Variants in AGBL4 observed in about 807,000 individuals in gnomAD.
AGBL4 encodes AGBL carboxypeptidase 4, also known as cytosolic carboxypeptidase 6.
In AGBL4, 58 loss-of-function variants were observed where a neutral mutation model predicts 66.4. That is an observed-to-expected ratio of 0.87 (90% CI 0.71 to 1.09). The LOEUF is 1.09. Ranked by LOEUF, AGBL4 falls within the 50% of genes least tolerant of loss-of-function variation. The pLI, the probability that AGBL4 is intolerant of heterozygous loss-of-function variation, is 0.00. For missense variants in AGBL4, 579 were observed against 631.0 expected (o/e 0.92, Z 0.88); for synonymous variants, 234 against 222.9 (o/e 1.05, Z -0.44).
intron 4 of AGBL4, among the ~76,000 whole-genome samples, chr1:49,235,940 A>G (rs1327968312): frequency 6.6e-6 from 1 of 151,918 alleles, no homozygotes; most frequent in Non-Finnish European, 1.5e-5. Flanking sequence ...CCACCACCCT[A>G]CCCTATTTCT....
intron 5 of AGBL4, among the ~76,000 whole-genome samples, chr1:48,960,405 T>C (rs1178666500): frequency 6.6e-6 from 1 of 152,196 alleles, no homozygotes; most frequent in Non-Finnish European, 1.5e-5. Context: ...GGATGTATGA[T>C]TCTGCAGTTC....
chr1:49,923,846 A>G (rs1652502404), intron 1 of AGBL4, among the ~76,000 whole-genome samples: 2 of 152,218 alleles, frequency 1.3e-5, no homozygotes, highest in South Asian at 4.1e-4. Flanking sequence ...GAGGAAAAAA[A>G]GAATGATTCT....
intron 13 of AGBL4, 102 bp from the exon 14 acceptor site, chr1:48,534,395 C>A: frequency 7.1e-7 from 1 of 1,404,652 alleles, no homozygotes; most frequent in Non-Finnish European, 9.5e-7. Flanking sequence ...ACTGTAGCCT[C>A]CCAGGAACAG....
intron 3 of AGBL4, among the ~76,000 whole-genome samples, chr1:49,545,542 T>C (rs757678526): frequency 6.6e-6 from 1 of 152,200 alleles, no homozygotes; most frequent in African/African-American, 2.4e-5. Context: ...AAAATTGTTA[T>C]ACAAAATGAG....
At chr1:49,740,983 A>T (rs191157460) in intron 2 of AGBL4, among the ~76,000 whole-genome samples, 4 of 152,332 alleles carry the variant, frequency 2.6e-5, no homozygotes, top group African/African-American at 4.8e-5. Context: ...CATCACAATT[A>T]AAATAACTAG....
At chr1:48,564,839 T>C (rs928059711) in intron 11 of AGBL4, among the ~76,000 whole-genome samples, 1 of 152,230 alleles carries the variant, frequency 6.6e-6, no homozygotes, top group Non-Finnish European at 1.5e-5. Context: ...GAGTCAGCCA[T>C]GGGCCACCAG....
chr1:49,218,950 A>G (rs1649289808), intron 4 of AGBL4, among the ~76,000 whole-genome samples: 1 of 152,118 alleles, frequency 6.6e-6, no homozygotes, highest in Non-Finnish European at 1.5e-5. Context: ...ACCTTCTGCC[A>G]TGATTGTGAG....
chr1:49,563,690 G>A (rs1644114588), intron 3 of AGBL4, among the ~76,000 whole-genome samples: 1 of 151,966 alleles, frequency 6.6e-6, no homozygotes, highest in South Asian at 2.1e-4. Flanking sequence ...GCTTTTTGAT[G>A]TGTTGCTGGA....
chr1:48,758,770 TA>T, intron 6 of AGBL4: 1 of 773,450 alleles, frequency 1.3e-6, no homozygotes, highest in Non-Finnish European at 1.9e-6. Context: ...AGGTAACTGG[TA>T]AGCCAAGAGT....
At chr1:49,268,416 AC>A (rs1163059003) in intron 3 of AGBL4, among the ~76,000 whole-genome samples, 1 of 30,568 alleles carries the variant, frequency 3.3e-5, no homozygotes, top group Non-Finnish European at 1.0e-4. Flanking sequence ...TTAAACACAC[AC>A]ACACACACAC....
chr1:49,779,663 GA>G (rs1319637864), intron 2 of AGBL4, among the ~76,000 whole-genome samples: 1 of 152,130 alleles, frequency 6.6e-6, no homozygotes, highest in Non-Finnish European at 1.5e-5. Context: ...CTGAGTCCCT[GA>G]AACTCCTTCC....
At chr1:49,872,980 T>A (rs1248935625) in intron 1 of AGBL4, among the ~76,000 whole-genome samples, 1 of 152,044 alleles carries the variant, frequency 6.6e-6, no homozygotes, top group African/African-American at 2.4e-5. Context: ...AATTTTTCTT[T>A]CTTTCTTTCC....
chr1:49,509,203 G>C (rs1413449313), intron 3 of AGBL4, among the ~76,000 whole-genome samples: 1 of 151,776 alleles, frequency 6.6e-6, no homozygotes, highest in South Asian at 2.1e-4. Flanking sequence ...GGCAGCCAGA[G>C]ATACAAGGAG....
intron 4 of AGBL4, among the ~76,000 whole-genome samples, chr1:49,135,301 C>T (rs907998817): frequency 6.6e-6 from 1 of 151,928 alleles, no homozygotes; most frequent in Non-Finnish European, 1.5e-5. Context: ...AGCAAAAACC[C>T]AGAGTATTTT....
At chr1:48,738,669 T>C (rs1255879730) in intron 6 of AGBL4, among the ~76,000 whole-genome samples, 1 of 152,218 alleles carries the variant, frequency 6.6e-6, no homozygotes, top group African/African-American at 2.4e-5. Context: ...ATGCCAACTT[T>C]ACATTTTTCA....
intron 8 of AGBL4, among the ~76,000 whole-genome samples, chr1:48,651,599 T>C (rs1413822005): frequency 2.6e-5 from 4 of 152,176 alleles, no homozygotes; most frequent in African/African-American, 7.2e-5. Context: ...GCCATAAAAC[T>C]TGCGAATGCT....
At chr1:48,709,153 C>T (rs866742306) in intron 6 of AGBL4, among the ~76,000 whole-genome samples, 1 of 152,238 alleles carries the variant, frequency 6.6e-6, no homozygotes, top group East Asian at 1.9e-4. Context: ...CAGTGACTCT[C>T]TGGAGTGCAG....
rs540874095 is a variant in AGBL4 at position 49,558,940 on chromosome 1, C to T, written c.282+138373G>A. ...ACAGTATAATAGAAAACCAGGTAGA[C>T]TTTTAAGGTATTTGACTCTAGTCCC... is the stretch of plus-strand genomic sequence containing the variant. On this transcript the variant is annotated intron_variant, in intron 3 of 13. Transcript: ENST00000371839. Among the ~76,000 whole-genome samples the T allele has an allele frequency of 1.3e-5, 2 of 152,202 alleles. 1 individual carries two copies. The highest frequency in any genetic ancestry group is 4.2e-4 in the South Asian group (2 of 4,816).
intron 3 of AGBL4, among the ~76,000 whole-genome samples, chr1:49,510,865 C>G (rs1462967803): frequency 1.3e-5 from 2 of 148,754 alleles, no homozygotes; most frequent in Non-Finnish European, 3.0e-5. Flanking sequence ...GCTTGTTTTT[C>G]TCAGGTTTGT....
Sources: gnomAD v4.1 joint callset for allele counts (sites outside exome capture counted in the v4.1 genomes callset) on GRCh38, gnomAD v4.1.1 for gene constraint, MANE v1.5 for transcripts, NCBI Gene and HGNC (gene_info 2026-07-23, HGNC 2026-07-21) for gene names.